MAST4: variants seen among roughly 807,000 people sequenced by gnomAD.
The protein encoded by MAST4 is microtubule-associated serine/threonine-protein kinase 4.
In MAST4, 89 loss-of-function variants were observed where a neutral mutation model predicts 162.7. That is an observed-to-expected ratio of 0.55 (90% CI 0.46 to 0.65). MAST4 has a LOEUF of 0.65. Ranked by LOEUF, MAST4 falls within the 30% of genes least tolerant of loss-of-function variation. The pLI is 0.00. For missense variants in MAST4, 3,153 were observed against 3,374.0 expected, an observed-to-expected ratio of 0.93 and a Z score of 1.62; for synonymous variants, 1,479 against 1,361.1, an observed-to-expected ratio of 1.09 and a Z score of -1.91.
At chr5:67,083,040 T>C (rs1233194166) in intron 5 of MAST4, among the ~76,000 whole-genome samples, 1 of 152,170 alleles carries the variant, frequency 6.6e-6, no homozygotes, top group African/African-American at 2.4e-5. Flanking sequence ...ATGGAGGAAA[T>C]GAGTGTGAGA....
chr5:66,963,649 A>G (rs979241654), intron 4 of MAST4: 2 of 777,192 alleles, frequency 2.6e-6, no homozygotes, highest in African/African-American at 3.4e-5. Context: ...TAACTGAGCT[A>G]TGCTATTTTT....
intron 4 of MAST4, among the ~76,000 whole-genome samples, chr5:66,904,648 T>G (rs1763226296): frequency 6.6e-6 from 1 of 151,864 alleles, no homozygotes. Flanking sequence ...TAGCTTTAAG[T>G]TCTCTGGCCA....
intron 2 of MAST4, among the ~76,000 whole-genome samples, chr5:66,787,347 C>T (rs192920589): frequency 1.6e-3 from 250 of 152,292 alleles, no homozygotes; most frequent in African/African-American, 5.5e-3. Flanking sequence ...TGTGCTTTCA[C>T]TCTATAATAA....
intron 11 of MAST4, among the ~76,000 whole-genome samples, chr5:67,111,995 G>A (rs1036333977): frequency 6.6e-5 from 10 of 151,644 alleles, no homozygotes; most frequent in Admixed American, 3.9e-4. Context: ...AGGTATGTTT[G>A]TAAAGGCTCT....
Position 66,800,148 on chromosome 5 carries a change from G to A in MAST4, c.642+11354G>A, listed in dbSNP as rs33720. Among the ~76,000 whole-genome samples, 222 of 152,270 alleles carry A rather than the reference G, an allele frequency of 1.5e-3. 6 individuals are homozygous for A. The East Asian group carries it at 0.037, about 25-fold the overall frequency. ...TTTCTATGATTCTTTTCAGATAACT[G>A]CAGATTTGCCATGTTTTCTGCAGGA... On this transcript the variant is annotated intron_variant, in intron 3 of 28. Transcript: ENST00000403625.
At chr5:67,125,448 T>C (rs1445133077) in intron 14 of MAST4, among the ~76,000 whole-genome samples, 1 of 151,928 alleles carries the variant, frequency 6.6e-6, no homozygotes, top group African/African-American at 2.4e-5. Flanking sequence ...TTCCCCTCCC[T>C]GTGTCCATGT....
At chr5:67,136,841 A>G (rs560395698) in intron 19 of MAST4, among the ~76,000 whole-genome samples, 177 bp downstream of exon 19, 1 of 152,326 alleles carries the variant, frequency 6.6e-6, no homozygotes, top group African/African-American at 2.4e-5. Context: ...CTGATTCAAA[A>G]CAGTGTGTAC....
chr5:66,806,743 A>C (rs1391098142), intron 3 of MAST4, among the ~76,000 whole-genome samples: 3 of 152,104 alleles, frequency 2.0e-5, no homozygotes, highest in African/African-American at 2.4e-5. Context: ...TTAAGCATAC[A>C]TTTTCTTTTT....
At chr5:67,143,203 G>C (rs531971450) in intron 21 of MAST4, among the ~76,000 whole-genome samples, 1 of 151,144 alleles carries the variant, frequency 6.6e-6, no homozygotes, top group African/African-American at 2.4e-5. Context: ...AGAAGATAGC[G>C]TAAGCCCAGC....
chr5:66,978,341 CTG>C (rs1748387871), intron 4 of MAST4, among the ~76,000 whole-genome samples: 2 of 152,152 alleles, frequency 1.3e-5, no homozygotes, highest in South Asian at 4.1e-4. Context: ...TCTAGTTATT[CTG>C]TGTTTTAAAA....
intron 5 of MAST4, among the ~76,000 whole-genome samples, chr5:67,078,064 A>T (rs573292692): frequency 2.2e-4 from 34 of 152,252 alleles, no homozygotes; most frequent in African/African-American, 8.2e-4. Context: ...GCGCCATTGC[A>T]CTCCAGCCTG....
chr5:66,819,617 C>T lies in MAST4; in HGVS notation c.642+30823C>T, dbSNP rs186039749. Among the ~76,000 whole-genome samples, 16 of 152,252 alleles carry T rather than the reference C, an allele frequency of 1.1e-4. No homozygotes were observed. The East Asian group carries it at 3.1e-3, about 29-fold the overall frequency. On this transcript the variant is annotated intron_variant, in intron 3 of 28. Coordinates refer to ENST00000403625, the MANE Select transcript of MAST4 (RefSeq NM_001164664.2). ...GTTAACATGTATGTCTTTGGTCAAT[C>T]ATATTTTAAATTCCAGGGTGACCAG...
intron 14 of MAST4, among the ~76,000 whole-genome samples, chr5:67,126,095 GT>G (rs201246431): frequency 3.3e-5 from 5 of 151,864 alleles, no homozygotes; most frequent in Non-Finnish European, 5.9e-5. Flanking sequence ...GGAGTTGTTT[GT>G]TTTTTTCTTG....
At chr5:66,964,680 G>C (rs1280363901) in intron 4 of MAST4, among the ~76,000 whole-genome samples, 1 of 152,140 alleles carries the variant, frequency 6.6e-6, no homozygotes, top group Non-Finnish European at 1.5e-5. Flanking sequence ...GGGCGCCTTA[G>C]TCCCAGCTAC....
intron 5 of MAST4, among the ~76,000 whole-genome samples, chr5:67,080,363 C>T (rs954365723): frequency 6.6e-6 from 1 of 152,076 alleles, no homozygotes; most frequent in Non-Finnish European, 1.5e-5. Context: ...TTTTTTCTCC[C>T]ATCTCAGTTC....
chr5:66,791,243 C>T (rs569712551), intron 3 of MAST4, among the ~76,000 whole-genome samples: 6 of 152,224 alleles, frequency 3.9e-5, no homozygotes, highest in Non-Finnish European at 5.9e-5. Flanking sequence ...GGGCTCGTCA[C>T]GGACTCCTGA....
chr5:66,699,527 T>C (rs1749626695), intron 1 of MAST4, among the ~76,000 whole-genome samples: 1 of 152,102 alleles, frequency 6.6e-6, no homozygotes, highest in African/African-American at 2.4e-5. Flanking sequence ...CCATCAGTGA[T>C]AGACTGGATG....
intron 4 of MAST4, among the ~76,000 whole-genome samples, chr5:66,922,019 A>G (rs1447688491): frequency 6.6e-6 from 1 of 152,128 alleles, no homozygotes; most frequent in East Asian, 1.9e-4. Flanking sequence ...CTGCTAGACT[A>G]TGTTAAGCCT....
intron 14 of MAST4, among the ~76,000 whole-genome samples, chr5:67,121,347 T>A (rs1020684285): frequency 4.6e-5 from 7 of 152,154 alleles, no homozygotes; most frequent in African/African-American, 1.7e-4. Flanking sequence ...CAAGGAAAAA[T>A]TTTATTTACC....
Sources: allele counts gnomAD v4.1 joint callset (sites outside exome capture counted in the v4.1 genomes callset), GRCh38; gene constraint gnomAD v4.1.1; transcripts MANE v1.5; gene names NCBI Gene and HGNC (gene_info 2026-07-23, HGNC 2026-07-21).